SUCLG2: variants seen among roughly 807,000 people sequenced by gnomAD.
SUCLG2 encodes the protein succinate--CoA ligase [GDP-forming] subunit beta, mitochondrial.
In SUCLG2, 42 loss-of-function variants were observed where a neutral mutation model predicts 47.9. The ratio of observed to expected loss-of-function variants is 0.88; its 90% CI spans 0.69 to 1.14. SUCLG2 has a LOEUF of 1.14. Among genes scored for constraint, SUCLG2 ranks in the 50% most tolerant of loss-of-function variants. The pLI, the probability that SUCLG2 is intolerant of heterozygous loss-of-function variation, is 0.00. For missense variants in SUCLG2, 571 were observed against 525.9 expected (o/e 1.09, Z -0.84); for synonymous variants, 195 against 197.3 (o/e 0.99, Z 0.10).
intron 6 of SUCLG2, among the ~76,000 whole-genome samples, chr3:67,510,814 G>A (rs913135943): frequency 1.3e-5 from 2 of 151,124 alleles, no homozygotes; most frequent in African/African-American, 4.9e-5. Flanking sequence ...TTAAACATTT[G>A]TAGGATAAAT....
intron 2 of SUCLG2, among the ~76,000 whole-genome samples, chr3:67,604,870 A>G (rs1286223749): frequency 1.3e-5 from 2 of 152,242 alleles, no homozygotes; most frequent in African/African-American, 2.4e-5. Context: ...ATGTCATTTC[A>G]AAACACATCA....
intron 7 of SUCLG2, among the ~76,000 whole-genome samples, chr3:67,506,992 TCTGACTAGCCC>T (rs1410839522): frequency 6.6e-6 from 1 of 152,190 alleles, no homozygotes; most frequent in East Asian, 1.9e-4. Flanking sequence ...TTTTGTAACT[TCTGACTAGCCC>T]CTGGGACAGT....
At chr3:67,633,900 T>C (rs1414551475) in intron 1 of SUCLG2, among the ~76,000 whole-genome samples, 2 of 152,142 alleles carry the variant, frequency 1.3e-5, no homozygotes, top group African/African-American at 2.4e-5. Flanking sequence ...ATATTTCTTA[T>C]ATTTTATATA....
At chr3:67,492,375 T>G (rs11923082) in intron 9 of SUCLG2, among the ~76,000 whole-genome samples, 4,543 of 152,284 alleles carry the variant, frequency 0.03, 221 homozygotes, top group African/African-American at 0.1. Context: ...ACCTTTGGAA[T>G]TCTAAGTTCA....
In SUCLG2 at chr3:67,609,524, C is replaced by T. The variant is rs370877877; in HGVS notation, c.157G>A (p.Gly53Arg). 1.4e-5 allele frequency: 23 copies of T among 1,613,724 alleles called. No homozygotes were observed. Among genetic ancestry groups the T allele is most frequent in the South Asian group, 1.1e-4 (10 of 91,074 alleles). The change falls in exon 2 of 11, where the codon GGA becomes AGA. Residue 53 changes from glycine to arginine, a missense_variant. Physicochemically the swap from Gly to Arg is moderately radical, Grantham distance 125. Coordinates refer to ENST00000307227, the MANE Select transcript of SUCLG2 (RefSeq NM_003848.4). ...YQSKKLMSDN[G>R]VRVQRFFVAD... ...ACAAAGAATCTTTGAACTCTCACTC[C>T]GTTGTCAGACATCAGTTTCTTGCTC...
chr3:67,377,782 T>A (rs1702065668), intron 10 of SUCLG2, among the ~76,000 whole-genome samples: 1 of 152,308 alleles, frequency 6.6e-6, no homozygotes, highest in Non-Finnish European at 1.5e-5. Context: ...GCCTCCCAAG[T>A]AGCTGAGACT....
chr3:67,641,980 T>C (rs903743504), intron 1 of SUCLG2, among the ~76,000 whole-genome samples: 3 of 152,180 alleles, frequency 2.0e-5, no homozygotes, highest in Non-Finnish European at 4.4e-5. Flanking sequence ...CGAGTATAAA[T>C]TTTCTCTTTT....
At chr3:67,610,864 T>C (rs532926205) in intron 1 of SUCLG2, among the ~76,000 whole-genome samples, 2 of 152,344 alleles carry the variant, frequency 1.3e-5, no homozygotes, top group East Asian at 3.9e-4. Context: ...GATGTATTCA[T>C]GGAGCTCTTT....
chr3:67,605,007 T>C (rs984996963), intron 2 of SUCLG2, among the ~76,000 whole-genome samples: 3 of 152,194 alleles, frequency 2.0e-5, no homozygotes, highest in African/African-American at 7.2e-5. Flanking sequence ...GGTCTCTCTG[T>C]GAGTTAGAAT....
chr3:67,548,676 T>A (rs1296281362), intron 2 of SUCLG2, among the ~76,000 whole-genome samples: 2 of 152,200 alleles, frequency 1.3e-5, no homozygotes, highest in African/African-American at 4.8e-5. Flanking sequence ...AATCAATAAA[T>A]CTATTATTGT....
At chr3:67,444,352 G>C (rs1282552607) in intron 9 of SUCLG2, among the ~76,000 whole-genome samples, 1 of 67,256 alleles carries the variant, frequency 1.5e-5, no homozygotes, top group East Asian at 6.0e-4. Context: ...TTAGCCCCCC[G>C]CCTGGCCAGC....
chr3:67,654,494 C>A lies in SUCLG2; in HGVS notation c.84+9G>T. 6 of 1,236,134 alleles carry A rather than the reference C, an allele frequency of 4.9e-6. No individual in the cohort carries two copies. The highest frequency in any genetic ancestry group is 4.2e-5 in the Admixed American group (1 of 24,000). The allele number at this position is 1,236,134 out of a possible 1,614,324, so 76.6% of individuals were successfully genotyped here. On this transcript the variant is annotated intron_variant, in intron 1 of 10. Transcript: ENST00000307227. The stretch of plus-strand genomic sequence containing the variant: ...TGCTGGCGCCCGCAGCTCCTGCCCC[C>A]ACGCTCACCTGGGACCCGGCCGCCA...
intron 1 of SUCLG2, among the ~76,000 whole-genome samples, chr3:67,611,753 T>C (rs1048165479): frequency 3.3e-5 from 5 of 152,188 alleles, no homozygotes; most frequent in African/African-American, 4.8e-5. Context: ...ACTCGCCATA[T>C]TAATTTTAGA....
chr3:67,538,700 G>C (rs1253458455), intron 2 of SUCLG2, among the ~76,000 whole-genome samples: 14 of 152,182 alleles, frequency 9.2e-5, no homozygotes, highest in Non-Finnish European at 2.1e-4. Flanking sequence ...AGCATGGAAT[G>C]TTTTTCCATT....
chr3:67,397,442 C>A (rs1347642098), intron 10 of SUCLG2, among the ~76,000 whole-genome samples: 2 of 152,078 alleles, frequency 1.3e-5, no homozygotes, highest in African/African-American at 4.8e-5. Context: ...GAATAAAATA[C>A]CTAGGAATCC....
intron 2 of SUCLG2, 111 bp downstream of exon 2, chr3:67,609,344 T>C (rs1700485618): frequency 1.6e-6 from 2 of 1,288,318 alleles, no homozygotes; most frequent in East Asian, 4.7e-5. Context: ...CTCCCCTGTA[T>C]CTGTCCCTGT....
At chr3:67,400,583 A>AG (rs113559159) in intron 10 of SUCLG2, 148 bp downstream of exon 10, 1 of 1,094,798 alleles carries the variant, frequency 9.1e-7, no homozygotes, top group Non-Finnish European at 1.3e-6. Context: ...CTAGAGGCCC[A>AG]GGGAAGTCCT....
intron 2 of SUCLG2, among the ~76,000 whole-genome samples, chr3:67,562,789 T>C (rs1707341681): frequency 6.6e-6 from 1 of 152,214 alleles, no homozygotes; most frequent in Non-Finnish European, 1.5e-5. Context: ...ATACAACATC[T>C]GGCACATAGT....
At chr3:67,654,266 A>G (rs530306814) in intron 1 of SUCLG2, among the ~76,000 whole-genome samples, 2 of 152,266 alleles carry the variant, frequency 1.3e-5, no homozygotes, top group Admixed American at 1.3e-4. Flanking sequence ...CGGAGACTCT[A>G]GTGCGTTGGG....
Sources: allele counts gnomAD v4.1 joint callset (sites outside exome capture counted in the v4.1 genomes callset), GRCh38; gene constraint gnomAD v4.1.1; transcripts MANE v1.5; gene names NCBI Gene and HGNC (gene_info 2026-07-23, HGNC 2026-07-21).